SEC61A2: variants seen among roughly 807,000 people sequenced by gnomAD.
SEC61A2 encodes the protein protein transport protein Sec61 subunit alpha isoform 2.
SEC61A2 carries 28 observed loss-of-function variants against 59.9 expected under a neutral mutation model. That is an observed-to-expected ratio of 0.47 (90% CI 0.35 to 0.64). SEC61A2 has a LOEUF of 0.64. Among genes scored for constraint, SEC61A2 ranks in the 30% least tolerant of loss-of-function variants. SEC61A2 has a pLI of 0.01. For synonymous variants in SEC61A2, 202 were observed against 214.4 expected (o/e 0.94, Z 0.50); for missense variants, 340 against 585.9 (o/e 0.58, Z 4.33).
intron 1 of SEC61A2, among the ~76,000 whole-genome samples, chr10:12,131,943 T>C (rs192966866): frequency 0.99 from 2,876 of 2,918 alleles, 1,417 homozygotes; most frequent in Middle Eastern, 1. Flanking sequence ...GTGATCCGCC[T>C]TTCTCGGCCT....
rs1834327059 is a variant in SEC61A2, at chr10:12,153,424, C to A, written c.463-2354C>A. ...CTAGTATCTTACTTAAGGATCTATT[C>A]AGATTCCTAAGGAATCTCCACTGAG... On this transcript the variant is annotated intron_variant, in intron 6 of 11. Coordinates refer to ENST00000298428, the MANE Select transcript of SEC61A2 (RefSeq NM_018144.4). This position sits in a 1 kb window ranked among gnomAD's most constrained non-coding sequence, Gnocchi z 5.2. Among the ~76,000 whole-genome samples, 1 of 152,172 alleles carries A rather than the reference C, an allele frequency of 6.6e-6. No homozygotes were observed. Among genetic ancestry groups the A allele is most frequent in the Non-Finnish European group, 1.5e-5 (1 of 68,042 alleles).
At chr10:12,146,652 G>C (rs1834144084) in intron 4 of SEC61A2, among the ~76,000 whole-genome samples, 1 of 151,732 alleles carries the variant, frequency 6.6e-6, no homozygotes, top group Non-Finnish European at 1.5e-5. Flanking sequence ...TGAGTAGCTG[G>C]GACTACAGGT....
At chr10:12,167,191 T>C (rs1312398178), downstream of SEC61A2, 3 of 159,056 alleles carry the variant, frequency 1.9e-5, no homozygotes, top group African/African-American at 4.8e-5. Flanking sequence ...CCTACCCTAG[T>C]TGGATTCAAC....
rs1219005624 is a variant in SEC61A2 at position 12,161,649 on chromosome 10, G to C, written c.1167+528G>C. On this transcript the variant is annotated intron_variant, in intron 10 of 11. Coordinates refer to ENST00000298428, the MANE Select transcript of SEC61A2 (RefSeq NM_018144.4). This position sits in a 1 kb window ranked among gnomAD's most constrained non-coding sequence, Gnocchi z 5.4. ...CCAGCCACTCAGGAGGCTGAGGCAG[G>C]AGAATCGCTTGAACCTGGGAGTCGG... 2.0e-5 allele frequency among the ~76,000 whole-genome samples: 3 copies of C among 151,990 alleles called. No individual in the cohort carries two copies. The highest frequency in any genetic ancestry group is 6.6e-5 in the Admixed American group (1 of 15,258).
At position 12,152,327 on chromosome 10, in the gene SEC61A2, G is replaced by A. The variant is rs887657198; in HGVS notation, c.462+2366G>A. ...ACTTCTGACCTTAGGTGATCCACCC[G>A]CCTCGGCCTTCCAAAATGCTGGGAT... is the stretch of plus-strand genomic sequence containing the variant. On this transcript the variant is annotated intron_variant, in intron 6 of 11. Coordinates refer to ENST00000298428, the MANE Select transcript of SEC61A2 (RefSeq NM_018144.4). This position sits in a 1 kb window ranked among gnomAD's most constrained non-coding sequence, Gnocchi z 5.5. Among the ~76,000 whole-genome samples, 7 of 152,000 alleles carry A rather than the reference G, an allele frequency of 4.6e-5. No individual in the cohort carries two copies. The highest frequency in any genetic ancestry group is 1.9e-4 in the East Asian group (1 of 5,162).
In SEC61A2 at chr10:12,164,594, G is replaced by C; in HGVS notation, c.*140G>C. The C allele has an allele frequency of 6.9e-7, 1 of 1,452,050 alleles. No homozygotes were observed. 89.9% of individuals were successfully genotyped at this position (1,452,050 alleles called of 1,614,324 possible). On this transcript the variant is annotated 3_prime_UTR_variant, in exon 12 of 12. Coordinates refer to ENST00000298428, the MANE Select transcript of SEC61A2 (RefSeq NM_018144.4). This position sits in a 1 kb window ranked among gnomAD's most constrained non-coding sequence, Gnocchi z 7.3. ...GCTGACTGACCCGTTTCTGAAATGG[G>C]CACCGAGCTAAGTCTGTGTGCAGCA...
downstream of SEC61A2, chr10:12,166,418 A>C (rs1382729242): frequency 1.2e-5 from 2 of 172,326 alleles, no homozygotes; most frequent in African/African-American, 4.8e-5. Flanking sequence ...TTTCACATGT[A>C]TAGGGCTAGA....
intron 8 of SEC61A2, among the ~76,000 whole-genome samples, chr10:12,157,551 G>A (rs969802676): frequency 1.4e-5 from 2 of 141,828 alleles, no homozygotes; most frequent in Non-Finnish European, 3.0e-5. Flanking sequence ...TCGCCAGGCT[G>A]GAGTGCAATG....
At position 12,149,953 on chromosome 10, in the gene SEC61A2, A is replaced by G. The variant is rs1297041198; in HGVS notation, c.454A>G (p.Ile152Val). 1 of 1,599,478 alleles carries G rather than the reference A, an allele frequency of 6.3e-7. No individual in the cohort carries two copies. Among genetic ancestry groups the G allele is most frequent in the East Asian group, 2.2e-5 (1 of 44,822 alleles). Reference sequence around the variant, plus strand: ...GGGTGCCGGAATCTGTCTCCTGATCATCATTCAGGTAAGAAATCCTATATT... The same window carrying G: ...GGGTGCCGGAATCTGTCTCCTGATCGTCATTCAGGTAAGAAATCCTATATT... ...EMGAGICLLI[I>V]IQLFVAGLIV... The change falls in exon 6 of 12, where the codon ATC becomes GTC. Residue 152 changes from isoleucine (I) to valine (V), a missense_variant. By Grantham distance (29) the Ile-to-Val change is conservative. This residue lies in a region of SEC61A2 where 283 missense variants were observed against 483.2 expected (regional missense o/e 0.59). Transcript: ENST00000298428. This position sits in a 1 kb window ranked among gnomAD's most constrained non-coding sequence, Gnocchi z 5.2.
chr10:12,147,138 G>A (rs962601911), intron 4 of SEC61A2, among the ~76,000 whole-genome samples: 2 of 152,190 alleles, frequency 1.3e-5, no homozygotes, highest in Non-Finnish European at 2.9e-5. Flanking sequence ...TGATCTGCCT[G>A]CCTCAGCTTC....
chr10:12,155,854 C>G lies in SEC61A2; in HGVS notation c.539C>G (p.Ser180Cys). Residue 180 changes from serine (S) to cysteine (C), a missense_variant, in exon 7 of 12, where the codon TCC becomes TGC. Around this residue, in one of 3 missense-constraint regions of SEC61A2, gnomAD observed 283 missense variants for 483.2 expected, o/e 0.59. Coordinates refer to ENST00000298428, the MANE Select transcript of SEC61A2 (RefSeq NM_018144.4). The surrounding 1 kb of genome is among the most constrained non-coding windows in gnomAD (Gnocchi z 4.3). ...QKGYGLGSGI[S>C]LFIATNICET... is the part of the protein sequence containing the mutation. ...GGTTACGGCTTGGGGTCTGGGATTT[C>G]CCTCTTTATTGCCACCAACATCTGT... 3 of 1,614,168 alleles carry G rather than the reference C, an allele frequency of 1.9e-6. No homozygotes were observed. The highest frequency in any genetic ancestry group is 2.5e-6 in the Non-Finnish European group (3 of 1,180,008).
At chr10:12,134,628 C>T (rs1037469612) in intron 2 of SEC61A2, among the ~76,000 whole-genome samples, 68 of 152,166 alleles carry the variant, frequency 4.5e-4, no homozygotes, top group African/African-American at 1.4e-3. Context: ...GTGAAAGGGA[C>T]ATTAGAAAAC....
Position 12,164,521 on chromosome 10 carries a change from G to A in SEC61A2, c.*67G>A. On this transcript the variant is annotated 3_prime_UTR_variant, in exon 12 of 12. Transcript: ENST00000298428. This position sits in a 1 kb window ranked among gnomAD's most constrained non-coding sequence, Gnocchi z 7.3. ...CTTTGACGGATCGTTTTTGTCAGAT[G>A]ACACTGGTGGCTCCCCTTTTCTCCC... The A allele has an allele frequency of 6.5e-7, 1 of 1,547,092 alleles. No homozygotes were observed. The highest frequency in any genetic ancestry group is 8.7e-7 in the Non-Finnish European group (1 of 1,148,982).
In SEC61A2 at chr10:12,152,617, G is replaced by A. The variant is rs1012227460; in HGVS notation, c.462+2656G>A. 4.0e-5 allele frequency among the ~76,000 whole-genome samples: 6 copies of A among 151,898 alleles called. No individual in the cohort carries two copies. In the East Asian group the frequency reaches 9.7e-4, roughly 25 times the overall value. On this transcript the variant is annotated intron_variant, in intron 6 of 11. Transcript: ENST00000298428. The surrounding 1 kb of genome is among the most constrained non-coding windows in gnomAD (Gnocchi z 5.5). ...TCTACTAAAAACACAAAAATTGGCC[G>A]GGTGCAGTGGCTCACACCTGTAATC...
At position 12,156,011 on chromosome 10, in the gene SEC61A2, C is replaced by T. The variant is rs1588643155; in HGVS notation, c.616+80C>T. On this transcript the variant is annotated intron_variant, in intron 7 of 11. Transcript: ENST00000298428. The surrounding 1 kb of genome is among the most constrained non-coding windows in gnomAD (Gnocchi z 5.2). Reference sequence around the variant, plus strand: ...CAAACCCATCGTGTCGCAGTACATGCCTAGAGCCGTTCTGGTTTGCTCTCC... The same window carrying T: ...CAAACCCATCGTGTCGCAGTACATGTCTAGAGCCGTTCTGGTTTGCTCTCC... 3 of 1,480,192 alleles carry T rather than the reference C, an allele frequency of 2.0e-6. No individual in the cohort carries two copies. In the South Asian group the frequency reaches 3.5e-5, roughly 17 times the overall value. 91.7% of individuals were successfully genotyped at this position (1,480,192 alleles called of 1,614,324 possible).
At chr10:12,169,171 G>C, downstream of SEC61A2, 1 of 765,112 alleles carries the variant, frequency 1.3e-6, no homozygotes, top group Non-Finnish European at 2.1e-6. This position sits in a 1 kb window ranked among gnomAD's most constrained non-coding sequence, Gnocchi z 4.8. Flanking sequence ...TAGGCAACTT[G>C]GTTCTTTTAC....
chr10:12,163,753 C>T (rs918904450), intron 11 of SEC61A2, among the ~76,000 whole-genome samples: 2 of 152,078 alleles, frequency 1.3e-5, no homozygotes, highest in African/African-American at 4.8e-5. Flanking sequence ...GATGGATCTC[C>T]AGCTCCAGTT....
chr10:12,129,770 G>C lies in SEC61A2; in HGVS notation c.-18G>C, dbSNP rs1833683673. On this transcript the variant is annotated 5_prime_UTR_variant, in exon 1 of 12. Transcript: ENST00000298428. The surrounding 1 kb of genome is among the most constrained non-coding windows in gnomAD (Gnocchi z 5.6). The stretch of plus-strand genomic sequence containing the variant: ...CGCCGAGGCCGCGGTTTCCCCCTGG[G>C]CCTCCCCAGCAGCAGCCATGGGCAG... 1.3e-6 allele frequency: 2 copies of C among 1,487,778 alleles called. No homozygotes were observed. Among genetic ancestry groups the C allele is most frequent in the African/African-American group, 2.9e-5 (2 of 69,164 alleles). The allele number at this position is 1,487,778 out of a possible 1,614,324, so 92.2% of individuals were successfully genotyped here. A position where few individuals can be genotyped will look rare whatever the true frequency, so the allele number is the denominator to read the frequency against.
At chr10:12,139,842 A>G in intron 3 of SEC61A2, among the ~76,000 whole-genome samples, 3 of 146,154 alleles carry the variant, frequency 2.1e-5, no homozygotes, top group Non-Finnish European at 4.5e-5. Flanking sequence ...GGTGGCAAAT[A>G]CCTGTAGTCC....
Sources: gnomAD v4.1 joint callset for allele counts (sites outside exome capture counted in the v4.1 genomes callset) on GRCh38, gnomAD v4.1.1 for gene constraint, gnomAD v4.1.1 regional missense constraint, Gnocchi (gnomAD v3.1) non-coding constraint, MANE v1.5 for transcripts, NCBI Gene and HGNC (gene_info 2026-07-23, HGNC 2026-07-21) for gene names.